Variants in MYO6 observed in about 807,000 individuals in gnomAD.
MYO6 encodes unconventional myosin-VI.
A neutral mutation model predicts 178.7 loss-of-function variants in MYO6; 74 were observed. That is an observed-to-expected ratio of 0.41 (90% CI 0.34 to 0.50). The LOEUF is 0.50. Ranked by LOEUF, MYO6 falls within the 20% of genes least tolerant of loss-of-function variation. The pLI, the probability that MYO6 is intolerant of heterozygous loss-of-function variation, is 0.09. For synonymous variants in MYO6, 477 were observed against 504.6 expected, an observed-to-expected ratio of 0.95 and a Z score of 0.73; for missense variants, 1,330 against 1,547.4, an observed-to-expected ratio of 0.86 and a Z score of 2.36.
At chr6:75,905,321 C>T (rs1476490069) in intron 30 of MYO6, among the ~76,000 whole-genome samples, 1 of 152,252 alleles carries the variant, frequency 6.6e-6, no homozygotes, top group Non-Finnish European at 1.5e-5. Flanking sequence ...CTCCCCCAGC[C>T]TCACTGCCGC....
rs557677564 is a variant in MYO6 at position 75,869,452 on chromosome 6, A to C, written c.1945-1195A>C. ...CCTTGGATTGTCATGTTCTATCCTT[A>C]ATTAGATTAAACATAATAACTCCTG... On this transcript the variant is annotated intron_variant, in intron 18 of 34. Transcript: ENST00000369977. Among the ~76,000 whole-genome samples, 10 of 152,228 alleles carry C rather than the reference A, an allele frequency of 6.6e-5. No individual in the cohort carries two copies. The South Asian group carries it at 2.1e-3, about 32-fold the overall frequency.
At chr6:75,892,988 T>G (rs1477924062) in intron 28 of MYO6, among the ~76,000 whole-genome samples, 1 of 152,168 alleles carries the variant, frequency 6.6e-6, no homozygotes, top group Non-Finnish European at 1.5e-5. Flanking sequence ...TATAGTATAT[T>G]AGGTAGACAC....
intron 11 of MYO6, among the ~76,000 whole-genome samples, chr6:75,849,469 G>A (rs953953147): frequency 1.3e-5 from 2 of 152,150 alleles, no homozygotes; most frequent in Non-Finnish European, 1.5e-5. Context: ...TCACTTGCAA[G>A]ATTAAATAAA....
rs550927986 is a variant in MYO6 at position 75,854,917 on chromosome 6, A to C, written c.1079-222A>C. ...TGACAGTTTAATATTGATGTGCTTA[A>C]AGGATTATACCATGGACTTCCCCAA... is the stretch of plus-strand genomic sequence containing the variant. On this transcript the variant is annotated intron_variant, in intron 11 of 34. Coordinates refer to ENST00000369977, the MANE Select transcript of MYO6 (RefSeq NM_004999.4). Among the ~76,000 whole-genome samples the C allele has an allele frequency of 9.2e-4, 140 of 152,264 alleles. 1 individual carries two copies. The highest frequency in any genetic ancestry group is 1.8e-3 in the Non-Finnish European group (124 of 67,986).
At chr6:75,909,820 C>T (rs533613118) in intron 32 of MYO6, among the ~76,000 whole-genome samples, 1 of 152,244 alleles carries the variant, frequency 6.6e-6, no homozygotes, top group African/African-American at 2.4e-5. Context: ...CCCAAATTGA[C>T]TTAAAAAATG....
Position 75,857,102 on chromosome 6 carries a change from C to G in MYO6, c.1229C>G (p.Pro410Arg). ...GGTKGTVIKV[P>R]LKVEQANNAR... ...AGCATAGTTTTCTTTTATAGGGTACCTCTGAAAGTGGAGCAAGCAAACAAT... is the reference window on the plus strand; with the variant it reads ...AGCATAGTTTTCTTTTATAGGGTACGTCTGAAAGTGGAGCAAGCAAACAAT... The change falls in exon 13 of 35, where the codon CCT (proline) becomes CGT (arginine). Residue 410 changes from proline (P) to arginine (R), a missense_variant. By Grantham distance (103) the Pro-to-Arg change is moderately radical (BLOSUM62 -2). Around this residue, in one of 3 missense-constraint regions of MYO6, gnomAD observed 613 missense variants for 816.8 expected, o/e 0.75. Coordinates refer to ENST00000369977, the MANE Select transcript of MYO6 (RefSeq NM_004999.4). The G allele has an allele frequency of 6.2e-7, 1 of 1,613,818 alleles. No individual in the cohort carries two copies. Among genetic ancestry groups the G allele is most frequent in the Non-Finnish European group, 8.5e-7 (1 of 1,179,874 alleles).
chr6:75,766,295 C>T (rs1329505272), intron 1 of MYO6, among the ~76,000 whole-genome samples: 2 of 151,158 alleles, frequency 1.3e-5, no homozygotes, highest in African/African-American at 2.4e-5. Context: ...TGTGCTCCAG[C>T]GTGGGTAAAA....
At chr6:75,906,968 T>C (rs1409241337) in intron 30 of MYO6, among the ~76,000 whole-genome samples, 1 of 152,216 alleles carries the variant, frequency 6.6e-6, no homozygotes, top group Admixed American at 6.5e-5. Context: ...TTCTAAGTGT[T>C]CTTATAGCAG....
intron 1 of MYO6, among the ~76,000 whole-genome samples, chr6:75,766,566 A>G (rs2150005583): frequency 6.6e-6 from 1 of 152,330 alleles, no homozygotes; most frequent in East Asian, 1.9e-4. Flanking sequence ...AGATGCTACT[A>G]ACATCTACAT....
At chr6:75,754,809 T>G (rs1442477759) in intron 1 of MYO6, among the ~76,000 whole-genome samples, 1 of 152,204 alleles carries the variant, frequency 6.6e-6, no homozygotes, top group Non-Finnish European at 1.5e-5. Context: ...AGCTAATAAC[T>G]TATATTTGGA....
intron 31 of MYO6, 100 bp downstream of exon 31, chr6:75,907,808 G>A: frequency 1.2e-6 from 1 of 849,314 alleles, no homozygotes; most frequent in Non-Finnish European, 2.0e-6. Context: ...GTGTGTGTGT[G>A]TGTGTGTGTA....
intron 1 of MYO6, among the ~76,000 whole-genome samples, chr6:75,750,145 G>C (rs1776734230): frequency 6.7e-6 from 1 of 149,686 alleles, no homozygotes; most frequent in South Asian, 2.1e-4. Context: ...GCCCAGGCTG[G>C]AGTGCGGTGG....
intron 17 of MYO6, 28 bp downstream of exon 17, chr6:75,866,649 C>T (rs781163779): frequency 5.1e-6 from 8 of 1,561,898 alleles, no homozygotes; most frequent in African/African-American, 2.7e-5. Flanking sequence ...AAGGAGAAAA[C>T]CATTTCATGT....
At position 75,857,220 on chromosome 6, in the gene MYO6, C is replaced by A. The variant is rs779561190; in HGVS notation, c.1347C>A (p.Ser449=). ...AGTGTTTTCCTTTTGAAACATCATC[C>A]TATTTTATTGGAGTCCTAGATATTG... ...VNQCFPFETS[S]YFIGVLDIAG... Residue 449 remains serine, a synonymous_variant, in exon 13 of 35, where the codon TCC becomes TCA. Transcript: ENST00000369977. 1.2e-6 allele frequency: 2 copies of A among 1,613,822 alleles called. No individual in the cohort carries two copies. The highest frequency in any genetic ancestry group is 1.7e-6 in the Non-Finnish European group (2 of 1,179,814).
At chr6:75,899,898 A>C (rs1382313048) in intron 30 of MYO6, among the ~76,000 whole-genome samples, 1 of 100,632 alleles carries the variant, frequency 9.9e-6, no homozygotes, top group African/African-American at 4.0e-5. Context: ...CCCCCACCCT[A>C]CAACAGTCCC....
At chr6:75,780,530 G>A (rs1766864150) in intron 1 of MYO6, among the ~76,000 whole-genome samples, 2 of 152,154 alleles carry the variant, frequency 1.3e-5, no homozygotes, top group African/African-American at 4.8e-5. Flanking sequence ...ACAACATAAG[G>A]TATATGCTGG....
chr6:75,861,061 T>A lies in MYO6; in HGVS notation c.1512T>A (p.Asn504Lys), dbSNP rs1233227982. The change falls in exon 15 of 35, where the codon AAT becomes AAA. Residue 504 changes from asparagine (N) to lysine (K), a missense_variant. By Grantham distance (94) the Asn-to-Lys change is moderately conservative (BLOSUM62 0). Transcript: ENST00000369977. ...ATCAAAAAGAAGGTTTAGGTGTTAATGAAGTGCATTATGTGGATAATCAGG... is the reference window on the plus strand; with the variant it reads ...ATCAAAAAGAAGGTTTAGGTGTTAAAGAAGTGCATTATGTGGATAATCAGG... ...ELYQKEGLGV[N>K]EVHYVDNQDC... The A allele has an allele frequency of 2.5e-6, 4 of 1,610,518 alleles. No individual in the cohort carries two copies. Among genetic ancestry groups the A allele is most frequent in the Non-Finnish European group, 3.4e-6 (4 of 1,177,078 alleles).
At chr6:75,817,449 T>A (rs1771390358) in intron 1 of MYO6, 52 bp from the exon 2 acceptor site, 3 of 947,606 alleles carry the variant, frequency 3.2e-6, no homozygotes, top group Non-Finnish European at 5.2e-6. Context: ...TTATTTGTTT[T>A]ATATATATTT....
intron 1 of MYO6, 112 bp from the exon 2 acceptor site, chr6:75,817,389 A>G (rs1771382149): frequency 4.4e-6 from 3 of 675,726 alleles, no homozygotes; most frequent in Non-Finnish European, 2.7e-6. Context: ...TGGCATGGGC[A>G]GATGTGTTTG....
Sources: gnomAD v4.1 joint callset for allele counts (sites outside exome capture counted in the v4.1 genomes callset) on GRCh38, gnomAD v4.1.1 for gene constraint, gnomAD v4.1.1 regional missense constraint, MANE v1.5 for transcripts, NCBI Gene and HGNC (gene_info 2026-07-23, HGNC 2026-07-21) for gene names.